SND1: variants seen among roughly 807,000 people sequenced by gnomAD.
SND1 encodes staphylococcal nuclease domain-containing protein 1.
Under a neutral mutation model 121.7 loss-of-function variants are expected in SND1, and 38 were observed. The observed-to-expected ratio is 0.31, with a 90% confidence interval of 0.24 to 0.41. The LOEUF is 0.41. SND1 is among the 10% of genes least tolerant of loss of function. The pLI is 1.00. For synonymous variants in SND1, 401 were observed against 447.4 expected (o/e 0.90, Z 1.31); for missense variants, 868 against 1,184.6 (o/e 0.73, Z 3.92).
intron 12 of SND1, among the ~76,000 whole-genome samples, chr7:127,885,276 A>G (rs1799875461): frequency 6.6e-6 from 1 of 152,184 alleles, no homozygotes; most frequent in African/African-American, 2.4e-5. Context: ...ACCCACCAAG[A>G]AGAGAACACA....
chr7:128,067,496 C>T (rs1405884032), intron 16 of SND1, among the ~76,000 whole-genome samples: 1 of 152,164 alleles, frequency 6.6e-6, no homozygotes, highest in Non-Finnish European at 1.5e-5. Flanking sequence ...ACAGCCAGCA[C>T]CCCACTTTGT....
chr7:127,990,645 G>A (rs1259138382), intron 15 of SND1, among the ~76,000 whole-genome samples: 1 of 152,178 alleles, frequency 6.6e-6, no homozygotes, highest in African/African-American at 2.4e-5. Context: ...AGTGCAGGAT[G>A]AGGAGTTCCT....
At chr7:127,680,446 A>G (rs1029921057) in intron 1 of SND1, among the ~76,000 whole-genome samples, 2 of 152,164 alleles carry the variant, frequency 1.3e-5, no homozygotes, top group African/African-American at 4.8e-5. Flanking sequence ...TCGACCGTAG[A>G]AAACGGCCAT....
intron 12 of SND1, among the ~76,000 whole-genome samples, chr7:127,869,352 G>A (rs1375508984): frequency 6.6e-6 from 1 of 152,164 alleles, no homozygotes; most frequent in Non-Finnish European, 1.5e-5. Flanking sequence ...AGACCTGTAG[G>A]CTGTACATGG....
At chr7:127,764,311 A>C (rs777509014) in intron 10 of SND1, among the ~76,000 whole-genome samples, 3 of 152,214 alleles carry the variant, frequency 2.0e-5, no homozygotes, top group African/African-American at 4.8e-5. Flanking sequence ...ATTCCCACAC[A>C]TTATGTGTAC....
intron 10 of SND1, among the ~76,000 whole-genome samples, chr7:127,801,795 G>T (rs1798133820): frequency 6.6e-6 from 1 of 152,150 alleles, no homozygotes. Flanking sequence ...CCCTTGAATA[G>T]TGTGGGGTTT....
At chr7:127,840,160 A>G (rs1406592941) in intron 11 of SND1, among the ~76,000 whole-genome samples, 1 of 152,232 alleles carries the variant, frequency 6.6e-6, no homozygotes, top group Non-Finnish European at 1.5e-5. Flanking sequence ...GTGTGTTCCA[A>G]TACCATGTAG....
intron 15 of SND1, chr7:127,949,122 T>A (rs1455938941): frequency 6.6e-6 from 1 of 152,204 alleles, no homozygotes; most frequent in Non-Finnish European, 1.5e-5. Flanking sequence ...TCATTTTACA[T>A]GAACAATGCA....
At chr7:127,883,648 A>G (rs940609187) in intron 12 of SND1, among the ~76,000 whole-genome samples, 7 of 152,298 alleles carry the variant, frequency 4.6e-5, no homozygotes, top group East Asian at 1.9e-4. Flanking sequence ...ACACATTGCT[A>G]TCATCTAATC....
intron 14 of SND1, among the ~76,000 whole-genome samples, chr7:127,922,015 T>C (rs894427959): frequency 6.6e-6 from 1 of 151,786 alleles, no homozygotes; most frequent in Non-Finnish European, 1.5e-5. Context: ...TGAGACAGGG[T>C]CTTACTCTGT....
In SND1 at chr7:128,074,516, G is replaced by A. The variant is rs1236145311; in HGVS notation, c.1794G>A (p.Val598=). The A allele has an allele frequency of 2.5e-6, 4 of 1,612,336 alleles. No individual in the cohort carries two copies. Among genetic ancestry groups the A allele is most frequent in the East Asian group, 4.5e-5 (2 of 44,814 alleles). Residue 598 remains valine, a synonymous_variant, in exon 17 of 24, where the codon GTG becomes GTA. Coordinates refer to ENST00000354725, the MANE Select transcript of SND1 (RefSeq NM_014390.4). ...CTCTGTCCCAGGTGGAGGTGGAGGT[G>A]GAGAGCATGGACAAGGCCGGCAACT... is the stretch of plus-strand genomic sequence containing the variant. ...LVLQREVEVE[V]ESMDKAGNFI... is the part of the protein sequence containing the mutation.
At chr7:128,089,364 G>A in intron 21 of SND1, 125 bp from the exon 22 acceptor site, 1 of 929,582 alleles carries the variant, frequency 1.1e-6, no homozygotes. Context: ...AACCTCACTA[G>A]GGTTCTCTGG....
intron 9 of SND1, among the ~76,000 whole-genome samples, chr7:127,720,128 ATAGT>A (rs1188553619): frequency 3.3e-5 from 5 of 152,314 alleles, no homozygotes; most frequent in Middle Eastern, 3.4e-3. Context: ...CTTTCAAGAA[ATAGT>A]TAGAGAGGCC....
intron 16 of SND1, chr7:127,999,938 T>G (rs1480658129): frequency 6.6e-6 from 1 of 151,498 alleles, no homozygotes; most frequent in African/African-American, 2.4e-5. Context: ...CCCTGAGAGG[T>G]AGGGTTTGTG....
intron 15 of SND1, among the ~76,000 whole-genome samples, chr7:127,936,885 A>G (rs1801073084): frequency 6.6e-6 from 1 of 152,114 alleles, no homozygotes; most frequent in Non-Finnish European, 1.5e-5. Context: ...GGTGTGGAGT[A>G]TTTGTCTTAT....
At chr7:127,978,700 T>C (rs948785906) in intron 15 of SND1, among the ~76,000 whole-genome samples, 1 of 152,178 alleles carries the variant, frequency 6.6e-6, no homozygotes, top group Non-Finnish European at 1.5e-5. Flanking sequence ...TAAATATTAT[T>C]TTTATTTATT....
At chr7:128,045,665 C>T (rs576381309) in intron 16 of SND1, among the ~76,000 whole-genome samples, 192 of 152,284 alleles carry the variant, frequency 1.3e-3, no homozygotes, top group Non-Finnish European at 2.1e-3. Flanking sequence ...TATCATCTCA[C>T]ATAAAATGTC....
intron 11 of SND1, among the ~76,000 whole-genome samples, chr7:127,840,185 G>A (rs1257712414): frequency 6.6e-6 from 1 of 152,208 alleles, no homozygotes; most frequent in Non-Finnish European, 1.5e-5. Flanking sequence ...TGTAAGGTAG[G>A]AAATACAAAG....
chr7:128,006,698 A>C (rs775798889), intron 16 of SND1, among the ~76,000 whole-genome samples: 8 of 152,206 alleles, frequency 5.3e-5, no homozygotes, highest in Non-Finnish European at 1.0e-4. Context: ...CTCAACTCCC[A>C]TCAGTGCTGA....
Sources: allele counts gnomAD v4.1 joint callset (sites outside exome capture counted in the v4.1 genomes callset), GRCh38; gene constraint gnomAD v4.1.1; transcripts MANE v1.5; gene names NCBI Gene and HGNC (gene_info 2026-07-23, HGNC 2026-07-21).